The following OPCML variants were observed in gnomAD, a reference collection of about 807,000 sequenced individuals.
OPCML encodes the protein opioid binding protein/cell adhesion molecule like, also known as opioid-binding protein/cell adhesion molecule.
In OPCML, 13 loss-of-function variants were observed where a neutral mutation model predicts 37.8. That is an observed-to-expected ratio of 0.34 (90% CI 0.22 to 0.55). The LOEUF is 0.55. Ranked by LOEUF, OPCML falls within the 20% of genes least tolerant of loss-of-function variation. OPCML has a pLI of 0.91. For synonymous variants in OPCML, 176 were observed against 168.8 expected, an observed-to-expected ratio of 1.04 and a Z score of -0.33; for missense variants, 341 against 435.6, an observed-to-expected ratio of 0.78 and a Z score of 1.93.
chr11:132,501,067 C>G (rs181101390), intron 4 of OPCML, among the ~76,000 whole-genome samples: 1 of 149,662 alleles, frequency 6.7e-6, no homozygotes, highest in Non-Finnish European at 1.5e-5. Flanking sequence ...TGGGTATATA[C>G]CCAGTAATGG....
At chr11:133,418,281 G>A (rs761081075) in intron 1 of OPCML, 5 of 985,316 alleles carry the variant, frequency 5.1e-6, no homozygotes, top group Non-Finnish European at 6.0e-6. Flanking sequence ...GAGTGACATG[G>A]GAGGTTTATG....
intron 2 of OPCML, among the ~76,000 whole-genome samples, chr11:132,771,197 C>T (rs968362577): frequency 2.0e-5 from 3 of 152,222 alleles, no homozygotes; most frequent in African/African-American, 7.2e-5. Context: ...GCACCAGGGT[C>T]TTGGGAGCCA....
chr11:132,434,655 C>T (rs146300707), intron 7 of OPCML, among the ~76,000 whole-genome samples: 20 of 152,296 alleles, frequency 1.3e-4, no homozygotes, highest in African/African-American at 4.6e-4. Flanking sequence ...GAAACCAGTA[C>T]ACGTTTGGTA....
chr11:133,081,814 G>T (rs921262192), intron 1 of OPCML, among the ~76,000 whole-genome samples: 1 of 152,106 alleles, frequency 6.6e-6, no homozygotes, highest in Non-Finnish European at 1.5e-5. Context: ...TCGAATGGCA[G>T]GTGAAGCGCT....
chr11:133,279,142 A>T (rs1245127338), intron 1 of OPCML, among the ~76,000 whole-genome samples: 2 of 152,218 alleles, frequency 1.3e-5, no homozygotes, highest in Non-Finnish European at 2.9e-5. Flanking sequence ...CTGGGCTTTC[A>T]GTCATTTGAC....
intron 1 of OPCML, among the ~76,000 whole-genome samples, chr11:133,014,715 C>A (rs1250418303): frequency 6.6e-6 from 1 of 152,192 alleles, no homozygotes; most frequent in Non-Finnish European, 1.5e-5. Flanking sequence ...ACATGTGGCC[C>A]AGCAGAAGGA....
chr11:132,673,810 T>C (rs536743493), intron 2 of OPCML, among the ~76,000 whole-genome samples: 12 of 152,170 alleles, frequency 7.9e-5, no homozygotes, highest in Admixed American at 2.0e-4. Flanking sequence ...AGAAGCAGAA[T>C]TGGGGCCAAA....
At chr11:133,257,842 T>A (rs1297583643) in intron 1 of OPCML, among the ~76,000 whole-genome samples, 2 of 146,392 alleles carry the variant, frequency 1.4e-5, no homozygotes, top group African/African-American at 2.5e-5. Flanking sequence ...TTCCTTGTCT[T>A]TCTATCTTTT....
chr11:133,089,386 G>A (rs1466485803), intron 1 of OPCML, among the ~76,000 whole-genome samples: 2 of 152,146 alleles, frequency 1.3e-5, no homozygotes, highest in Non-Finnish European at 2.9e-5. Flanking sequence ...ATTTTTGTAA[G>A]TAAAATTACA....
chr11:133,342,266 C>T (rs145564172), intron 1 of OPCML, among the ~76,000 whole-genome samples: 109 of 152,242 alleles, frequency 7.2e-4, no homozygotes, highest in African/African-American at 2.5e-3. Flanking sequence ...GTGCTTTTGA[C>T]GTAAAGCACA....
chr11:132,461,834 A>T lies in OPCML; in HGVS notation c.506-24475T>A, dbSNP rs1592210349. On this transcript the variant is annotated intron_variant, in intron 4 of 7. Transcript: ENST00000524381. ...AAGGAGAAGTGCCAAGCGAAAGGGG[A>T]AAAGCCCCTTATAAAATCATCAGAT... Among the ~76,000 whole-genome samples the T allele has an allele frequency of 2.6e-5, 4 of 152,256 alleles. No homozygotes were observed. In the East Asian group the frequency reaches 7.8e-4, roughly 30 times the overall value.
At chr11:132,552,254 G>A (rs1162584653) in intron 3 of OPCML, among the ~76,000 whole-genome samples, 2 of 152,158 alleles carry the variant, frequency 1.3e-5, no homozygotes, top group Non-Finnish European at 2.9e-5. Context: ...AATAAAGTAA[G>A]CAGCAAGGTG....
chr11:132,940,024 C>T (rs779170156), intron 2 of OPCML, among the ~76,000 whole-genome samples: 2 of 152,202 alleles, frequency 1.3e-5, no homozygotes, highest in Non-Finnish European at 2.9e-5. Flanking sequence ...TTTCAAGTAA[C>T]CCTATGAAGT....
intron 1 of OPCML, among the ~76,000 whole-genome samples, chr11:133,395,917 G>T (rs1945275374): frequency 6.6e-6 from 1 of 152,084 alleles, no homozygotes; most frequent in African/African-American, 2.4e-5. Context: ...TATTTCTGTG[G>T]AGAACGTCGT....
chr11:132,939,531 C>G (rs530420632), intron 2 of OPCML, among the ~76,000 whole-genome samples: 1 of 152,168 alleles, frequency 6.6e-6, no homozygotes, highest in Non-Finnish European at 1.5e-5. Context: ...TTGGTGGGAA[C>G]TTTTCCCGTT....
chr11:132,491,138 G>C lies in OPCML; in HGVS notation c.505+37923C>G, dbSNP rs149983759. ...TTGAGGCCCGCACATCTCTCCCCAA[G>C]AATGACCTCAGCAACTCCTCACTGG... On this transcript the variant is annotated intron_variant, in intron 4 of 7. Transcript: ENST00000524381. Among the ~76,000 whole-genome samples, 67 of 152,278 alleles carry C rather than the reference G, an allele frequency of 4.4e-4. 2 individuals are homozygous for C. The East Asian group carries it at 0.013, about 29-fold the overall frequency.
intron 1 of OPCML, among the ~76,000 whole-genome samples, chr11:133,038,565 C>T (rs529515487): frequency 6.6e-6 from 1 of 152,172 alleles, no homozygotes; most frequent in African/African-American, 2.4e-5. Flanking sequence ...GGCTCTAGCC[C>T]AGAGATATTA....
intron 3 of OPCML, among the ~76,000 whole-genome samples, chr11:132,596,616 C>T (rs750021578): frequency 6.6e-6 from 1 of 152,158 alleles, no homozygotes. Flanking sequence ...AGTTTGTAGA[C>T]AACAGATCTA....
chr11:132,681,545 C>G (rs991792649), intron 2 of OPCML, among the ~76,000 whole-genome samples: 2 of 152,190 alleles, frequency 1.3e-5, no homozygotes, highest in African/African-American at 4.8e-5. Flanking sequence ...CCCCTTCCCA[C>G]TGAGAGCCTC....
Sources: allele counts gnomAD v4.1 joint callset (sites outside exome capture counted in the v4.1 genomes callset), GRCh38; gene constraint gnomAD v4.1.1; transcripts MANE v1.5; gene names NCBI Gene and HGNC (gene_info 2026-07-23, HGNC 2026-07-21).